Variants in MTA3 observed in about 807,000 individuals in gnomAD.
The protein encoded by MTA3 is metastasis associated 1 family member 3, also known as metastasis-associated protein MTA3.
Under a neutral mutation model 83.5 loss-of-function variants are expected in MTA3, and 34 were observed. The ratio of observed to expected loss-of-function variants is 0.41; its 90% CI spans 0.31 to 0.54. The LOEUF is 0.54. MTA3 is among the 20% of genes least tolerant of loss of function. The probability of loss-of-function intolerance (pLI) is 0.33; values close to 1 mark genes in which losing one functional copy is unlikely to be tolerated. For missense variants in MTA3, 761 were observed against 726.4 expected, an observed-to-expected ratio of 1.05 and a Z score of -0.55; for synonymous variants, 303 against 252.7, an observed-to-expected ratio of 1.20 and a Z score of -1.89.
intron 2 of MTA3, among the ~76,000 whole-genome samples, chr2:42,517,709 C>T (rs1675212895): frequency 6.6e-6 from 1 of 151,288 alleles, no homozygotes; most frequent in East Asian, 1.9e-4. Flanking sequence ...GAAACCCTGT[C>T]TCTACTAAAA....
intron 3 of MTA3, among the ~76,000 whole-genome samples, chr2:42,593,681 A>G (rs958524743): frequency 2.2e-4 from 32 of 142,416 alleles, no homozygotes; most frequent in Non-Finnish European, 4.5e-4. Context: ...TATGGCATCT[A>G]TCTTTATTTA....
intron 2 of MTA3, among the ~76,000 whole-genome samples, chr2:42,562,921 C>T (rs1677736616): frequency 1.3e-5 from 2 of 152,184 alleles, no homozygotes; most frequent in Non-Finnish European, 2.9e-5. Context: ...CCCAACTTGC[C>T]TTTCCTCCTG....
chr2:42,664,029 T>C (rs1022962049), intron 8 of MTA3, among the ~76,000 whole-genome samples: 1 of 152,224 alleles, frequency 6.6e-6, no homozygotes, highest in Non-Finnish European at 1.5e-5. Context: ...GGTTTGGATC[T>C]GCACTTGATT....
At chr2:42,629,635 G>T (rs1686480277) in intron 4 of MTA3, among the ~76,000 whole-genome samples, 1 of 152,038 alleles carries the variant, frequency 6.6e-6, no homozygotes, top group African/African-American at 2.4e-5. Context: ...AAGGCTTTTG[G>T]AGTGAGCCGA....
At chr2:42,739,468 A>T (rs1668863315) in intron 16 of MTA3, among the ~76,000 whole-genome samples, 1 of 150,672 alleles carries the variant, frequency 6.6e-6, no homozygotes, top group Non-Finnish European at 1.5e-5. Context: ...AAAGCTAATG[A>T]TCATCTGAGC....
At chr2:42,627,501 C>T (rs1446315066) in intron 4 of MTA3, among the ~76,000 whole-genome samples, 5 of 152,066 alleles carry the variant, frequency 3.3e-5, no homozygotes, top group Admixed American at 6.6e-5. Context: ...CCAAAATTTT[C>T]TGAAAATCTT....
intron 3 of MTA3, among the ~76,000 whole-genome samples, chr2:42,608,215 A>G (rs1683738615): frequency 6.6e-6 from 1 of 152,218 alleles, no homozygotes. Flanking sequence ...TGTCTTATAC[A>G]ACAACAATTT....
In MTA3 at chr2:42,722,061, G is replaced by T. The variant is rs183512361; in HGVS notation, c.1613-828G>T. On this transcript the variant is annotated intron_variant, in intron 15 of 16. Coordinates refer to ENST00000405094, the MANE Select transcript of MTA3 (RefSeq NM_001330442.2). The stretch of plus-strand genomic sequence containing the variant: ...GCCCTTACCTTCAGTGAAAGGGTGA[G>T]AAGGCAGGGTGGCTTGTGTGTAGTT... Among the ~76,000 whole-genome samples, 70 of 152,306 alleles carry T rather than the reference G, an allele frequency of 4.6e-4. 1 individual carries two copies. The highest frequency in any genetic ancestry group is 3.5e-3 in the Admixed American group (53 of 15,306).
At chr2:42,586,274 CAAAAG>C (rs1231380929) in intron 3 of MTA3, among the ~76,000 whole-genome samples, 1 of 131,420 alleles carries the variant, frequency 7.6e-6, no homozygotes, top group Non-Finnish European at 1.6e-5. Context: ...AACTCCATCT[CAAAAG>C]AAAAAAAAAA....
At chr2:42,666,885 A>G (rs1690277248) in intron 8 of MTA3, among the ~76,000 whole-genome samples, 1 of 152,188 alleles carries the variant, frequency 6.6e-6, no homozygotes, top group Admixed American at 6.5e-5. Flanking sequence ...GAAATAGGTC[A>G]TTGCAATATA....
chr2:42,745,961 GCGCCACCA>G (rs1669382587), intron 16 of MTA3, among the ~76,000 whole-genome samples: 1 of 151,768 alleles, frequency 6.6e-6, no homozygotes, highest in Non-Finnish European at 1.5e-5. Context: ...TTACAGCCAT[GCGCCACCA>G]CGCCCAGCTA....
At chr2:42,681,780 G>C (rs529517044) in intron 8 of MTA3, among the ~76,000 whole-genome samples, 1 of 151,776 alleles carries the variant, frequency 6.6e-6, no homozygotes, top group Non-Finnish European at 1.5e-5. Context: ...CAAAGCGCTG[G>C]GATTACAGGC....
intron 8 of MTA3, among the ~76,000 whole-genome samples, chr2:42,663,103 A>T (rs909290067): frequency 6.6e-6 from 1 of 152,210 alleles, no homozygotes; most frequent in African/African-American, 2.4e-5. Context: ...TTATATAGGT[A>T]AACTATTATT....
At chr2:42,717,149 T>C in intron 14 of MTA3, among the ~76,000 whole-genome samples, 1 of 147,392 alleles carries the variant, frequency 6.8e-6, no homozygotes, top group Admixed American at 6.7e-5. Context: ...TTTTTTTTTT[T>C]TTTGGTGAAA....
At chr2:42,548,011 A>G (rs973218298) in intron 2 of MTA3, among the ~76,000 whole-genome samples, 2 of 152,338 alleles carry the variant, frequency 1.3e-5, no homozygotes, top group African/African-American at 2.4e-5. Context: ...TAAAGCTACT[A>G]TGAAAAATAA....
chr2:42,683,495 G>GT (rs1407242170), intron 9 of MTA3, among the ~76,000 whole-genome samples: 1 of 152,090 alleles, frequency 6.6e-6, no homozygotes, highest in Non-Finnish European at 1.5e-5. Context: ...GATGATTCAG[G>GT]TGCATTACGT....
intron 9 of MTA3, 41 bp from the exon 10 acceptor site, chr2:42,695,724 T>A: frequency 1.7e-6 from 2 of 1,190,730 alleles, no homozygotes; most frequent in Non-Finnish European, 2.4e-6. Context: ...CATTTTATTA[T>A]ATGTTAACAT....
chr2:42,594,861 G>A (rs1681576832), intron 3 of MTA3, among the ~76,000 whole-genome samples: 1 of 142,976 alleles, frequency 7.0e-6, no homozygotes, highest in African/African-American at 2.6e-5. Flanking sequence ...CAAGTAGCTG[G>A]GACTACAAGA....
rs1348896918 is a variant in MTA3 at position 42,584,698 on chromosome 2, A to T, written c.190+5498A>T. Among the ~76,000 whole-genome samples the T allele has an allele frequency of 2.6e-5, 4 of 152,044 alleles. No homozygotes were observed. In the East Asian group the frequency reaches 5.8e-4, roughly 22 times the overall value. Reference sequence around the variant, plus strand: ...GACAGCACAGGAATACCCCATTTTAACAACAACAAAAAGAAAAGATTAGCT... The same window carrying T: ...GACAGCACAGGAATACCCCATTTTATCAACAACAAAAAGAAAAGATTAGCT... On this transcript the variant is annotated intron_variant, in intron 3 of 16. Transcript: ENST00000405094.
Sources: gnomAD v4.1 joint callset for allele counts (sites outside exome capture counted in the v4.1 genomes callset) on GRCh38, gnomAD v4.1.1 for gene constraint, MANE v1.5 for transcripts, NCBI Gene and HGNC (gene_info 2026-07-23, HGNC 2026-07-21) for gene names.